The following ANKRD13C variants were observed in gnomAD, a reference collection of about 807,000 sequenced individuals.
The protein encoded by ANKRD13C is ankyrin repeat domain-containing protein 13C.
ANKRD13C carries 16 observed loss-of-function variants against 65.5 expected under a neutral mutation model. The observed-to-expected ratio is 0.24, with a 90% confidence interval of 0.17 to 0.37. The LOEUF is 0.37. Among genes scored for constraint, ANKRD13C ranks in the 10% least tolerant of loss-of-function variants. The pLI, the probability that ANKRD13C is intolerant of heterozygous loss-of-function variation, is 1.00. For missense variants in ANKRD13C, 503 were observed against 655.9 expected (o/e 0.77, Z 2.55); for synonymous variants, 235 against 238.7 (o/e 0.98, Z 0.14).
intron 11 of ANKRD13C, among the ~76,000 whole-genome samples, chr1:70,272,989 A>AT (rs940535182): frequency 2.0e-5 from 3 of 147,904 alleles, no homozygotes; most frequent in African/African-American, 7.7e-5. Context: ...CTCTGTCTCA[A>AT]AAAATAAATA....
intron 12 of ANKRD13C, among the ~76,000 whole-genome samples, chr1:70,270,481 C>T (rs762300702): frequency 8.5e-5 from 13 of 152,158 alleles, no homozygotes; most frequent in Non-Finnish European, 1.6e-4. Flanking sequence ...GGATCTGTTT[C>T]GTGAAAGATA....
intron 3 of ANKRD13C, among the ~76,000 whole-genome samples, chr1:70,323,553 G>A (rs1026603669): frequency 6.6e-6 from 1 of 151,790 alleles, no homozygotes; most frequent in African/African-American, 2.4e-5. Context: ...TGAGGCAGGA[G>A]AACCCCTTGA....
At chr1:70,328,460 C>G (rs1469931800) in intron 2 of ANKRD13C, among the ~76,000 whole-genome samples, 1 of 152,066 alleles carries the variant, frequency 6.6e-6, no homozygotes, top group Non-Finnish European at 1.5e-5. Context: ...GTCGGGAGTT[C>G]AAGACCAGCC....
chr1:70,281,817 C>A (rs867166326), intron 9 of ANKRD13C, among the ~76,000 whole-genome samples: 2 of 151,282 alleles, frequency 1.3e-5, no homozygotes, highest in African/African-American at 2.4e-5. Flanking sequence ...GAGGCCAAGG[C>A]GGGCAGATCA....
At chr1:70,330,594 A>AT (rs1681748650) in intron 2 of ANKRD13C, among the ~76,000 whole-genome samples, 1 of 150,522 alleles carries the variant, frequency 6.6e-6, no homozygotes, top group African/African-American at 2.4e-5. Context: ...AAAAAAAAAA[A>AT]AGAAATCACA....
chr1:70,317,466 T>A (rs57627286), intron 3 of ANKRD13C, among the ~76,000 whole-genome samples: 1,593 of 152,248 alleles, frequency 0.01, 19 homozygotes, highest in African/African-American at 0.033. Context: ...ATCTTTTTTT[T>A]AAAAATAAAA....
intron 7 of ANKRD13C, among the ~76,000 whole-genome samples, chr1:70,300,143 A>G (rs1680283372): frequency 6.6e-6 from 1 of 152,182 alleles, no homozygotes; most frequent in Non-Finnish European, 1.5e-5. Flanking sequence ...AAAAGATAAT[A>G]CATGGTAAAG....
rs368015021 is a variant in ANKRD13C, at chr1:70,313,309, G to A, written c.709+436C>T. On this transcript the variant is annotated intron_variant, in intron 5 of 12. Coordinates refer to ENST00000370944, the MANE Select transcript of ANKRD13C (RefSeq NM_030816.5). ...TTTGAGAGGCCGAGGTAGGAGGATC[G>A]CTTGAGCCCAGGTGTTCTAGACCAG... Among the ~76,000 whole-genome samples, 13 of 152,122 alleles carry A rather than the reference G, an allele frequency of 8.5e-5. No homozygotes were observed. In the East Asian group the frequency reaches 1.2e-3, roughly 14 times the overall value.
At chr1:70,303,361 T>A (rs11209602) in intron 6 of ANKRD13C, among the ~76,000 whole-genome samples, 14,319 of 152,222 alleles carry the variant, frequency 0.094, 1,004 homozygotes, top group East Asian at 0.34. Flanking sequence ...AACAATAAGT[T>A]CTTTATACAA....
intron 1 of ANKRD13C, among the ~76,000 whole-genome samples, chr1:70,340,921 GC>G (rs1224096836): frequency 1.3e-5 from 2 of 152,128 alleles, no homozygotes; most frequent in African/African-American, 4.8e-5. Context: ...GACCAGCCTA[GC>G]CAATATGGTG....
chr1:70,302,745 A>G (rs1321769842), intron 6 of ANKRD13C, among the ~76,000 whole-genome samples: 2 of 109,414 alleles, frequency 1.8e-5, no homozygotes, highest in African/African-American at 4.0e-5. Context: ...AAAAAAAAAA[A>G]AAAAAAAAAA....
intron 3 of ANKRD13C, among the ~76,000 whole-genome samples, chr1:70,323,648 A>G (rs184007686): frequency 0.015 from 2,213 of 151,134 alleles, 32 homozygotes; most frequent in Non-Finnish European, 0.02. Context: ...CTCCCTCTCA[A>G]AAAAAAAAAT....
At chr1:70,353,935 G>C in intron 1 of ANKRD13C, 44 bp downstream of exon 1, 1 of 1,474,180 alleles carries the variant, frequency 6.8e-7, no homozygotes, top group Non-Finnish European at 9.0e-7. Flanking sequence ...GCACACCCTA[G>C]GCTCGGGGAA....
At chr1:70,286,907 A>G (rs116204090) in intron 9 of ANKRD13C, among the ~76,000 whole-genome samples, 3,068 of 152,220 alleles carry the variant, frequency 0.02, 115 homozygotes, top group African/African-American at 0.071. Flanking sequence ...AATTGCTTGA[A>G]CATGGCAGGC....
chr1:70,280,025 G>A (rs1369609321), intron 9 of ANKRD13C, among the ~76,000 whole-genome samples: 3 of 152,102 alleles, frequency 2.0e-5, no homozygotes, highest in Admixed American at 6.6e-5. Context: ...AAAGAAGCCT[G>A]AAAAAGCCAT....
At chr1:70,330,258 A>G (rs1394695320) in intron 2 of ANKRD13C, among the ~76,000 whole-genome samples, 2 of 152,170 alleles carry the variant, frequency 1.3e-5, no homozygotes, top group African/African-American at 4.8e-5. Flanking sequence ...ATTATGAGGA[A>G]TAGAAATCAC....
chr1:70,272,990 A>AAAAT (rs56932890), intron 11 of ANKRD13C, among the ~76,000 whole-genome samples: 10,552 of 147,122 alleles, frequency 0.072, 819 homozygotes, highest in African/African-American at 0.19. Flanking sequence ...TCTGTCTCAA[A>AAAAT]AAATAAATAA....
chr1:70,265,341 T>C (rs1240471856), intron 12 of ANKRD13C, among the ~76,000 whole-genome samples: 1 of 152,152 alleles, frequency 6.6e-6, no homozygotes, highest in Non-Finnish European at 1.5e-5. Flanking sequence ...CAGTTATTCA[T>C]TGAGCCAAGG....
Position 70,292,056 on chromosome 1 carries a change from T to G in ANKRD13C, c.1215+332A>C, listed in dbSNP as rs147133424. On this transcript the variant is annotated intron_variant, in intron 9 of 12. Coordinates refer to ENST00000370944, the MANE Select transcript of ANKRD13C (RefSeq NM_030816.5). ...ATCACTTGAACCCAGGAGGCAGAGG[T>G]TGCAGTGAGCCGAGATTGAGCCACT... The G allele has an allele frequency of 4.6e-3, 730 of 157,084 alleles. 8 individuals are homozygous for G. The highest frequency in any genetic ancestry group is 0.017 in the African/African-American group (713 of 41,522). 9.7% of individuals were successfully genotyped at this position (157,084 alleles called of 1,614,324 possible). A position where few individuals can be genotyped will look rare whatever the true frequency, so the allele number is the denominator to read the frequency against.
Sources: allele counts gnomAD v4.1 joint callset (sites outside exome capture counted in the v4.1 genomes callset), GRCh38; gene constraint gnomAD v4.1.1; transcripts MANE v1.5; gene names NCBI Gene and HGNC (gene_info 2026-07-23, HGNC 2026-07-21).